Variants in PAXBP1 observed in about 807,000 individuals in gnomAD.
PAXBP1 encodes PAX3- and PAX7-binding protein 1.
Under a neutral mutation model 119.9 loss-of-function variants are expected in PAXBP1, and 44 were observed. The ratio of observed to expected loss-of-function variants is 0.37; its 90% CI spans 0.29 to 0.47. The LOEUF is 0.47. PAXBP1 is among the 20% of genes least tolerant of loss of function. The probability of loss-of-function intolerance (pLI) is 0.99; values close to 1 mark genes in which losing one functional copy is unlikely to be tolerated. For synonymous variants in PAXBP1, 393 were observed against 406.6 expected (o/e 0.97, Z 0.40); for missense variants, 898 against 1,134.1 (o/e 0.79, Z 2.99).
chr21:32,753,992 T>C (rs1337438043), intron 8 of PAXBP1, among the ~76,000 whole-genome samples: 1 of 152,204 alleles, frequency 6.6e-6, no homozygotes, highest in African/African-American at 2.4e-5. Context: ...CTGGGAGGGA[T>C]GCATGAGTCA....
rs745887404 is a variant in PAXBP1, at chr21:32,755,339, A to G, written c.1398T>C (p.Asn466=). ...GCTGATGTATTGCTGATTCAAGTTC[A>G]TTAATCAGTGGCACCTGTAAAAATA... ...ECFSEKVPLI[N]ELESAIHQLY... The change falls in exon 8 of 18, where the codon AAT becomes AAC. Residue 466 remains asparagine (N), a synonymous_variant. Transcript: ENST00000331923. 3 of 1,612,400 alleles carry G rather than the reference A, an allele frequency of 1.9e-6. No homozygotes were observed. The highest frequency in any genetic ancestry group is 2.5e-6 in the Non-Finnish European group (3 of 1,179,324).
At chr21:32,737,516 T>C in intron 16 of PAXBP1, 108 bp from the exon 17 acceptor site, 2 of 908,356 alleles carry the variant, frequency 2.2e-6, no homozygotes, top group East Asian at 2.8e-5. Context: ...GAAGACGTGC[T>C]TCTGAGCTAC....
rs2043780135 is a variant in PAXBP1 at position 32,741,302 on chromosome 21, T to C, written c.2334+1946A>G. 6 of 403,488 alleles carry C rather than the reference T, an allele frequency of 1.5e-5. No homozygotes were observed. The South Asian group carries it at 2.2e-4, about 15-fold the overall frequency. The allele number at this position is 403,488 out of a possible 1,614,324, so 25.0% of individuals were successfully genotyped here. ...CCAAGGGAAGGCTTCCCCTTTGCCC[T>C]ATGAAGTTTCGCTGAAAATTACTGA... On this transcript the variant is annotated intron_variant, in intron 15 of 17. Transcript: ENST00000331923.
chr21:32,755,191 T>C (rs1411564909), intron 8 of PAXBP1, 39 bp downstream of exon 8: 2 of 1,577,648 alleles, frequency 1.3e-6, no homozygotes, highest in African/African-American at 1.4e-5. Flanking sequence ...GTAAACAAGG[T>C]TGTTTAATGA....
At chr21:32,748,831 G>A in intron 10 of PAXBP1, 133 bp from the exon 11 acceptor site, 2 of 694,140 alleles carry the variant, frequency 2.9e-6, no homozygotes, top group South Asian at 4.6e-5. Flanking sequence ...CCAATTGTTA[G>A]TCACAATTTA....
intron 5 of PAXBP1, among the ~76,000 whole-genome samples, 147 bp downstream of exon 5, chr21:32,760,898 CGTGCGTGTGTGTGT>C (rs1467014957): frequency 4.9e-5 from 6 of 121,590 alleles, no homozygotes; most frequent in East Asian, 2.8e-4. Flanking sequence ...TGTGTGCGTG[CGTGCGTGTGTGTGT>C]GTGTGTGTGT....
chr21:32,744,107 A>C (rs2043831831), intron 13 of PAXBP1, among the ~76,000 whole-genome samples: 1 of 152,092 alleles, frequency 6.6e-6, no homozygotes, highest in Admixed American at 6.6e-5. Context: ...CATTAACTTT[A>C]AGTTTGGCAA....
intron 2 of PAXBP1, among the ~76,000 whole-genome samples, chr21:32,766,244 CA>C (rs1406589185): frequency 2.0e-5 from 3 of 152,138 alleles, no homozygotes; most frequent in Non-Finnish European, 4.4e-5. Context: ...ATGATTCCTA[CA>C]AATTTTAGGA....
At chr21:32,756,537 C>G (rs2044045184) in intron 7 of PAXBP1, 1 of 356,710 alleles carries the variant, frequency 2.8e-6, no homozygotes, top group Admixed American at 4.5e-5. Context: ...CAACAATGTC[C>G]CCAAATCTGT....
At chr21:32,764,119 G>A (rs765126736) in intron 3 of PAXBP1, among the ~76,000 whole-genome samples, 1 of 151,786 alleles carries the variant, frequency 6.6e-6, no homozygotes, top group Non-Finnish European at 1.5e-5. Context: ...CCATTTACTT[G>A]AAGACTTATT....
intron 13 of PAXBP1, 139 bp from the exon 14 acceptor site, chr21:32,743,893 AAAGT>A (rs1187347633): frequency 3.2e-5 from 18 of 566,608 alleles, no homozygotes; most frequent in East Asian, 1.2e-4. Context: ...TGAAGACCCT[AAAGT>A]AATTAATACT....
At chr21:32,753,425 C>CAAA (rs757858309) in intron 8 of PAXBP1, among the ~76,000 whole-genome samples, 133 of 89,900 alleles carry the variant, frequency 1.5e-3, no homozygotes, top group African/African-American at 2.2e-3. Flanking sequence ...GACTCCGTCT[C>CAAA]AAAAAAAAAA....
rs759882630 is a variant in PAXBP1 at position 32,760,898 on chromosome 21, C to CGTGT, written c.975+160_975+161insACAC. Reference sequence around the variant, plus strand: ...AAGCCTACGTGTCTCTGTGTGCGTGCGTGCGTGTGTGTGTGTGTGTGTGTG... The same window carrying CGTGT: ...AAGCCTACGTGTCTCTGTGTGCGTGCGTGTGTGCGTGTGTGTGTGTGTGTGTGTG... On this transcript the variant is annotated intron_variant, in intron 5 of 17. Coordinates refer to ENST00000331923, the MANE Select transcript of PAXBP1 (RefSeq NM_016631.4). Among the ~76,000 whole-genome samples the CGTGT allele has an allele frequency of 8.3e-3, 1,012 of 121,568 alleles. 8 individuals carry two copies. Among genetic ancestry groups the CGTGT allele is most frequent in the African/African-American group, 0.02 (689 of 34,560 alleles). 79.8% of individuals were successfully genotyped at this position (121,568 alleles called of 152,430 possible).
intron 15 of PAXBP1, among the ~76,000 whole-genome samples, chr21:32,742,060 T>TA (rs1330894406): frequency 6.6e-6 from 1 of 152,126 alleles, no homozygotes; most frequent in Non-Finnish European, 1.5e-5. Context: ...TCATAGGACA[T>TA]AGACTGGGAG....
Position 32,771,638 on chromosome 21 carries a change from G to C in PAXBP1, c.31C>G (p.Arg11Gly). ...TCCTCTTCGGAGTCGTTCCGCTTGCGCACGTTCACCCGCCGGGCCTTTCGG... is the reference window on the plus strand; with the variant it reads ...TCCTCTTCGGAGTCGTTCCGCTTGCCCACGTTCACCCGCCGGGCCTTTCGG... MFRKARRVNV[R>G]KRNDSEEEER... Residue 11 changes from arginine to glycine, a missense_variant, in exon 1 of 18, where the codon CGC (arginine) becomes GGC (glycine). Arg to Gly is a moderately radical substitution (Grantham distance 125). Coordinates refer to ENST00000331923, the MANE Select transcript of PAXBP1 (RefSeq NM_016631.4). 1 of 1,449,644 alleles carries C rather than the reference G, an allele frequency of 6.9e-7. No individual in the cohort carries two copies. Among genetic ancestry groups the C allele is most frequent in the Non-Finnish European group, 9.1e-7 (1 of 1,104,108 alleles). The allele number at this position is 1,449,644 out of a possible 1,614,324, so 89.8% of individuals were successfully genotyped here. A position where few individuals can be genotyped will look rare whatever the true frequency, so the allele number is the denominator to read the frequency against.
intron 3 of PAXBP1, 94 bp downstream of exon 3, chr21:32,764,254 A>G: frequency 8.4e-7 from 1 of 1,196,020 alleles, no homozygotes; most frequent in Non-Finnish European, 1.2e-6. Flanking sequence ...AATAAGAAAC[A>G]CCACTCAGCT....
intron 15 of PAXBP1, among the ~76,000 whole-genome samples, chr21:32,738,696 TG>T (rs2043729070): frequency 6.6e-6 from 1 of 152,062 alleles, no homozygotes; most frequent in African/African-American, 2.4e-5. Context: ...CCACAAAAGA[TG>T]GGAGAGTCTG....
intron 15 of PAXBP1, chr21:32,742,699 C>G: frequency 4.4e-6 from 1 of 225,438 alleles, no homozygotes. Context: ...AGCAGTACTC[C>G]TTATCTGTGG....
At chr21:32,740,260 G>A (rs963913552) in intron 15 of PAXBP1, among the ~76,000 whole-genome samples, 1 of 152,180 alleles carries the variant, frequency 6.6e-6, no homozygotes, top group Non-Finnish European at 1.5e-5. Context: ...CAATGGGGGG[G>A]CCTTGCTTTG....
Sources: gnomAD v4.1 joint callset for allele counts (sites outside exome capture counted in the v4.1 genomes callset) on GRCh38, gnomAD v4.1.1 for gene constraint, MANE v1.5 for transcripts, NCBI Gene and HGNC (gene_info 2026-07-23, HGNC 2026-07-21) for gene names.